Variants in KSR1 observed in about 807,000 individuals in gnomAD.
KSR1 encodes kinase suppressor of ras 1.
KSR1 carries 35 observed loss-of-function variants against 92.9 expected under a neutral mutation model. That is an observed-to-expected ratio of 0.38 (90% CI 0.29 to 0.50). The LOEUF (loss-of-function observed/expected upper bound fraction) is 0.50, where lower values mean the gene tolerates loss of function less well. KSR1 is among the 20% of genes least tolerant of loss of function. The pLI, the probability that KSR1 is intolerant of heterozygous loss-of-function variation, is 0.94. For synonymous variants in KSR1, 467 were observed against 472.6 expected (o/e 0.99, Z 0.15); for missense variants, 972 against 1,158.5 (o/e 0.84, Z 2.34).
chr17:27,584,003 T>C, intron 4 of KSR1: 1 of 981,468 alleles, frequency 1.0e-6, no homozygotes, highest in Non-Finnish European at 1.2e-6. Flanking sequence ...TTCATATTAT[T>C]TCGTTGTATA....
intron 1 of KSR1, among the ~76,000 whole-genome samples, chr17:27,495,517 C>A (rs1456816994): frequency 6.6e-6 from 1 of 152,114 alleles, no homozygotes; most frequent in Admixed American, 6.5e-5. Context: ...TGGGATATAG[C>A]CCCCTGATCT....
At chr17:27,482,174 C>T (rs1040017202) in intron 1 of KSR1, among the ~76,000 whole-genome samples, 1 of 151,940 alleles carries the variant, frequency 6.6e-6, no homozygotes, top group African/African-American at 2.4e-5. Context: ...CCTATAATCC[C>T]AGTACTTTGG....
intron 1 of KSR1, among the ~76,000 whole-genome samples, chr17:27,472,294 G>A (rs1159216349): frequency 1.3e-5 from 2 of 152,234 alleles, no homozygotes; most frequent in African/African-American, 2.4e-5. Context: ...AGATTGAGCA[G>A]ATGCTTCTGG....
Position 27,592,621 on chromosome 17 carries a change from A to G in KSR1, c.1294A>G (p.Lys432Glu), listed in dbSNP as rs764023334. Residue 432 changes from lysine to glutamate, a missense_variant, in exon 9 of 21, where the codon AAG becomes GAG. By Grantham distance (56) the Lys-to-Glu change is moderately conservative (BLOSUM62 1). Transcript: ENST00000644974. ...TGGAACCCTCCCCAAAGCACTGACA[A>G]AGAAGGTACGCTGGGTAATGCTGGG... ...HFGTLPKALT[K>E]KEHPPAMNHL... 1.6e-5 allele frequency: 26 copies of G among 1,613,542 alleles called. No homozygotes were observed. Among genetic ancestry groups the G allele is most frequent in the Non-Finnish European group, 2.0e-5 (24 of 1,179,700 alleles).
intron 1 of KSR1, among the ~76,000 whole-genome samples, chr17:27,480,893 T>G (rs146268030): frequency 2.0e-5 from 3 of 152,348 alleles, no homozygotes; most frequent in East Asian, 3.9e-4. Flanking sequence ...CTTAGTCGCA[T>G]GCGTGTGTGT....
At chr17:27,575,658 C>T (rs981020321) in intron 2 of KSR1, among the ~76,000 whole-genome samples, 2 of 152,152 alleles carry the variant, frequency 1.3e-5, no homozygotes, top group Non-Finnish European at 2.9e-5. Context: ...GATGGAATGG[C>T]TCTGGTTCCA....
chr17:27,605,020 A>G (rs2073702365), intron 13 of KSR1, among the ~76,000 whole-genome samples: 1 of 152,228 alleles, frequency 6.6e-6, no homozygotes, highest in Non-Finnish European at 1.5e-5. Context: ...CCATTGCATT[A>G]TGGCTTGGAG....
intron 2 of KSR1, among the ~76,000 whole-genome samples, chr17:27,562,696 A>T (rs1222395709): frequency 1.3e-5 from 2 of 152,216 alleles, no homozygotes; most frequent in African/African-American, 4.8e-5. Context: ...TCAACACTGC[A>T]CTGTTTTAAA....
intron 1 of KSR1, among the ~76,000 whole-genome samples, chr17:27,526,088 C>CTTTT (rs1207100006): frequency 1.2e-5 from 1 of 83,350 alleles, no homozygotes; most frequent in African/African-American, 5.7e-5. Context: ...TTCTTTCTTT[C>CTTTT]TTTCTTTCTC....
Position 27,511,043 on chromosome 17 carries a change from A to G in KSR1, c.232-39525A>G, listed in dbSNP as rs528676383. 5.3e-5 allele frequency among the ~76,000 whole-genome samples: 8 copies of G among 152,370 alleles called. 1 individual carries two copies. In the South Asian group the frequency reaches 1.4e-3, roughly 28 times the overall value. On this transcript the variant is annotated intron_variant, in intron 1 of 20. Transcript: ENST00000644974. ...GGATGAGCCTGCCTGTGCACACTGC[A>G]CACAGCTCTTGGAAAAACAGTCTAG... is the stretch of plus-strand genomic sequence containing the variant.
intron 1 of KSR1, among the ~76,000 whole-genome samples, chr17:27,520,342 T>C (rs1045721401): frequency 2.0e-5 from 3 of 152,202 alleles, no homozygotes; most frequent in African/African-American, 7.2e-5. Flanking sequence ...GGTTTCTGTA[T>C]GTTATAGGCC....
intron 1 of KSR1, among the ~76,000 whole-genome samples, chr17:27,501,071 T>C (rs2069159503): frequency 1.3e-5 from 2 of 151,932 alleles, no homozygotes. Context: ...GCTGTGGGAG[T>C]CTGTAACAGT....
intron 5 of KSR1, chr17:27,587,483 A>G (rs2073011523): frequency 6.6e-6 from 1 of 152,174 alleles, no homozygotes; most frequent in South Asian, 2.1e-4. Flanking sequence ...AGGACATGAG[A>G]TGGCCACACT....
intron 1 of KSR1, among the ~76,000 whole-genome samples, chr17:27,508,709 TTTTATTTA>T (rs60879548): frequency 0.017 from 2,323 of 138,324 alleles, 71 homozygotes; most frequent in African/African-American, 0.06. Flanking sequence ...CCTGAATTTT[TTTTATTTA>T]TTTATTTATT....
At chr17:27,545,105 C>CA (rs1326428200) in intron 1 of KSR1, among the ~76,000 whole-genome samples, 1 of 152,188 alleles carries the variant, frequency 6.6e-6, no homozygotes, top group East Asian at 1.9e-4. Flanking sequence ...CACAGCTAGC[C>CA]AGGTTTATGG....
chr17:27,517,394 G>A lies in KSR1; in HGVS notation c.232-33174G>A, dbSNP rs894252563. 9.2e-5 allele frequency among the ~76,000 whole-genome samples: 14 copies of A among 152,030 alleles called. No individual in the cohort carries two copies. The East Asian group carries it at 1.4e-3, about 15-fold the overall frequency. ...ATGGCCCAGGCTGGAGTGCAGTGGC[G>A]TGATCTCGGCTCACTGCAACATCCA... is the stretch of plus-strand genomic sequence containing the variant. On this transcript the variant is annotated intron_variant, in intron 1 of 20. Coordinates refer to ENST00000644974, the MANE Select transcript of KSR1 (RefSeq NM_001394583.1).
intron 2 of KSR1, among the ~76,000 whole-genome samples, chr17:27,558,723 G>C (rs1366011332): frequency 6.7e-6 from 1 of 149,712 alleles, no homozygotes; most frequent in Non-Finnish European, 1.5e-5. Context: ...TTTTTCTTTG[G>C]AAGGGAACAA....
intron 1 of KSR1, chr17:27,526,560 C>CACCT (rs1324862629): frequency 1.9e-6 from 3 of 1,600,130 alleles, no homozygotes; most frequent in African/African-American, 2.7e-5. Flanking sequence ...GGCCACAATG[C>CACCT]ACCTCATTCA....
At chr17:27,548,219 G>A (rs1269378588) in intron 1 of KSR1, among the ~76,000 whole-genome samples, 3 of 133,668 alleles carry the variant, frequency 2.2e-5, no homozygotes, top group Non-Finnish European at 4.7e-5. Flanking sequence ...AACATAGTGA[G>A]ACCCCATCTC....
Sources: gnomAD v4.1 joint callset for allele counts (sites outside exome capture counted in the v4.1 genomes callset) on GRCh38, gnomAD v4.1.1 for gene constraint, MANE v1.5 for transcripts, NCBI Gene and HGNC (gene_info 2026-07-23, HGNC 2026-07-21) for gene names.